The following PDE4D variants were observed in gnomAD, a reference collection of about 807,000 sequenced individuals.
PDE4D encodes 3',5'-cyclic-AMP phosphodiesterase 4D.
Under a neutral mutation model 87.4 loss-of-function variants are expected in PDE4D, and 24 were observed. That is an observed-to-expected ratio of 0.27 (90% CI 0.20 to 0.39). The LOEUF (loss-of-function observed/expected upper bound fraction) is 0.39. PDE4D is among the 10% of genes least tolerant of loss of function. PDE4D has a pLI of 1.00. For synonymous variants in PDE4D, 384 were observed against 383.2 expected (o/e 1.00, Z -0.02); for missense variants, 714 against 1,041.0 (o/e 0.69, Z 4.32).
intron 1 of PDE4D, among the ~76,000 whole-genome samples, chr5:60,393,464 T>G (rs1271193650): frequency 6.6e-6 from 1 of 152,180 alleles, no homozygotes; most frequent in Non-Finnish European, 1.5e-5. Context: ...ACCTTCAAGT[T>G]TTATGAAAAA....
intron 5 of PDE4D, among the ~76,000 whole-genome samples, chr5:59,098,813 T>G (rs549291757): frequency 6.6e-6 from 1 of 152,006 alleles, no homozygotes; most frequent in South Asian, 2.1e-4. Context: ...GTTCCTATTA[T>G]CTTTCTGATC....
chr5:59,132,434 T>C (rs1231006749), intron 5 of PDE4D, among the ~76,000 whole-genome samples: 3 of 152,200 alleles, frequency 2.0e-5, no homozygotes, highest in Non-Finnish European at 4.4e-5. Context: ...GGGGAAGTAC[T>C]GACCTAAATA....
At chr5:60,354,570 A>G (rs1035663086) in intron 1 of PDE4D, among the ~76,000 whole-genome samples, 1 of 152,190 alleles carries the variant, frequency 6.6e-6, no homozygotes, top group African/African-American at 2.4e-5. Flanking sequence ...AATTATGCCC[A>G]CATAAGGCAA....
intron 2 of PDE4D, among the ~76,000 whole-genome samples, chr5:60,081,152 CT>C (rs1313710641): frequency 1.3e-5 from 2 of 151,686 alleles, no homozygotes; most frequent in African/African-American, 4.8e-5. Context: ...TCTAGATTTT[CT>C]AGTGTATTTG....
intron 1 of PDE4D, among the ~76,000 whole-genome samples, chr5:60,337,441 C>CTGAAGATG (rs945873373): frequency 4.9e-5 from 7 of 141,558 alleles, no homozygotes; most frequent in African/African-American, 1.8e-4. Flanking sequence ...TTTCCAGGAG[C>CTGAAGATG]TGAAGATGTG....
intron 1 of PDE4D, among the ~76,000 whole-genome samples, chr5:60,228,386 T>C (rs1236605333): frequency 1.3e-5 from 2 of 152,146 alleles, no homozygotes; most frequent in African/African-American, 2.4e-5. Context: ...TAAATCCATC[T>C]ATCCACGACA....
chr5:59,016,944 G>A lies in PDE4D; in HGVS notation c.921+21915C>T, dbSNP rs199653600. ...CAAACACTCTCAATGAAGGAAAAGA[G>A]GGTAACATCGTACATTGATGGGGGA... On this transcript the variant is annotated intron_variant, in intron 6 of 14. Transcript: ENST00000340635. Among the ~76,000 whole-genome samples, 4 of 152,254 alleles carry A rather than the reference G, an allele frequency of 2.6e-5. No homozygotes were observed. In the East Asian group the frequency reaches 7.7e-4, roughly 29 times the overall value.
rs148461085 is a variant in PDE4D at position 60,487,412 on chromosome 5, C to A, written c.-90+530G>T. ...TTCATATAAAAATGTTTTAGTTATTCATAGTGTATGTCTTCAATTGGCTGC... is the reference window on the plus strand; with the variant it reads ...TTCATATAAAAATGTTTTAGTTATTAATAGTGTATGTCTTCAATTGGCTGC... On this transcript the variant is annotated intron_variant, in intron 1 of 16. Transcript: ENST00000502484. 4.2e-4 allele frequency among the ~76,000 whole-genome samples: 64 copies of A among 152,272 alleles called. No individual in the cohort carries two copies. In the East Asian group the frequency reaches 9.7e-3, roughly 23 times the overall value.
chr5:60,474,163 G>A (rs1748127090), intron 1 of PDE4D, among the ~76,000 whole-genome samples: 1 of 95,010 alleles, frequency 1.1e-5, no homozygotes, highest in African/African-American at 3.5e-5. Context: ...AAAAACCTTA[G>A]ACTGGGCAAT....
chr5:59,204,728 C>A (rs989171201), intron 2 of PDE4D, among the ~76,000 whole-genome samples: 1 of 152,144 alleles, frequency 6.6e-6, no homozygotes, highest in African/African-American at 2.4e-5. Context: ...GTTCTAGGAA[C>A]GGGATCTTCT....
At chr5:60,445,744 A>T (rs1039838899) in intron 1 of PDE4D, among the ~76,000 whole-genome samples, 3 of 152,146 alleles carry the variant, frequency 2.0e-5, no homozygotes, top group Non-Finnish European at 4.4e-5. Context: ...CCCATAGTTA[A>T]TAATACTGTA....
chr5:59,978,913 C>CA (rs1349364173), intron 3 of PDE4D, among the ~76,000 whole-genome samples: 1 of 150,742 alleles, frequency 6.6e-6, no homozygotes, highest in African/African-American at 2.5e-5. Flanking sequence ...TGGTTGTTAG[C>CA]ATTTTTTTTT....
chr5:60,412,274 T>C (rs1372545353), intron 1 of PDE4D, among the ~76,000 whole-genome samples: 1 of 152,190 alleles, frequency 6.6e-6, no homozygotes, highest in Non-Finnish European at 1.5e-5. Flanking sequence ...CAAGGGAGAC[T>C]GAGACCAATA....
At chr5:60,176,180 T>A (rs914905476) in intron 2 of PDE4D, among the ~76,000 whole-genome samples, 4 of 152,156 alleles carry the variant, frequency 2.6e-5, no homozygotes, top group African/African-American at 9.7e-5. Context: ...TACTCAGCCT[T>A]AGCAATTCAT....
intron 1 of PDE4D, among the ~76,000 whole-genome samples, chr5:59,351,501 C>T (rs1375814520): frequency 1.3e-5 from 2 of 152,258 alleles, no homozygotes; most frequent in African/African-American, 2.4e-5. Flanking sequence ...GTTGACCTCT[C>T]GAGCTCAGAG....
Position 59,935,264 on chromosome 5 carries a change from G to A in PDE4D, c.272+53224C>T, listed in dbSNP as rs919391987. 3.3e-5 allele frequency among the ~76,000 whole-genome samples: 5 copies of A among 152,188 alleles called. No homozygotes were observed. In the South Asian group the frequency reaches 8.3e-4, roughly 25 times the overall value. On this transcript the variant is annotated intron_variant, in intron 3 of 16. Coordinates refer to the PDE4D transcript ENST00000502484. ...AAGGAGAAGAAAGTAAGAGAGATGA[G>A]AAAATGTCAGAGAACAGGATTTGGG... is the stretch of plus-strand genomic sequence containing the variant.
intron 7 of PDE4D, among the ~76,000 whole-genome samples, chr5:58,992,602 G>A (rs1748172279): frequency 1.3e-5 from 2 of 152,094 alleles, no homozygotes; most frequent in Non-Finnish European, 2.9e-5. Flanking sequence ...GGTTTTATGG[G>A]AGCATAGAGA....
At chr5:59,338,220 A>T (rs1489054130) in intron 1 of PDE4D, among the ~76,000 whole-genome samples, 1 of 152,230 alleles carries the variant, frequency 6.6e-6, no homozygotes. Flanking sequence ...CAACTGAGGT[A>T]ATAAGGAAAG....
At chr5:59,947,796 C>A in intron 3 of PDE4D, among the ~76,000 whole-genome samples, 1 of 152,164 alleles carries the variant, frequency 6.6e-6, no homozygotes, top group East Asian at 1.9e-4. Flanking sequence ...ATCACAAGGT[C>A]AGAAGTTCAA....
Sources: gnomAD v4.1 joint callset for allele counts (sites outside exome capture counted in the v4.1 genomes callset) on GRCh38, gnomAD v4.1.1 for gene constraint, MANE v1.5 for transcripts, NCBI Gene and HGNC (gene_info 2026-07-23, HGNC 2026-07-21) for gene names.